SH3BGR: variants seen among roughly 807,000 people sequenced by gnomAD.
SH3BGR encodes SH3 domain binding glutamate rich protein.
Under a neutral mutation model 24.5 loss-of-function variants are expected in SH3BGR, and 29 were observed. The ratio of observed to expected loss-of-function variants is 1.18; its 90% CI spans 0.88 to 1.61. SH3BGR has a LOEUF of 1.61. SH3BGR is among the 40% of genes most tolerant of loss of function. The pLI is 0.00. For synonymous variants in SH3BGR, 55 were observed against 65.7 expected, an observed-to-expected ratio of 0.84 and a Z score of 0.79; for missense variants, 162 against 205.8, an observed-to-expected ratio of 0.79 and a Z score of 1.30.
upstream of SH3BGR, among the ~76,000 whole-genome samples, chr21:39,447,296 A>C (rs2056340759): frequency 6.6e-6 from 1 of 152,000 alleles, no homozygotes; most frequent in Non-Finnish European, 1.5e-5. Flanking sequence ...GACTGGAGGA[A>C]TTGAAAGGTA....
chr21:39,451,028 C>T (rs936869129), upstream of SH3BGR, among the ~76,000 whole-genome samples: 1 of 151,986 alleles, frequency 6.6e-6, no homozygotes, highest in African/African-American at 2.4e-5. Context: ...AGTATGTTAC[C>T]CAGACTGGTC....
At chr21:39,458,428 TC>T (rs1438946039) in intron 1 of SH3BGR, among the ~76,000 whole-genome samples, 1 of 152,108 alleles carries the variant, frequency 6.6e-6, no homozygotes, top group East Asian at 1.9e-4. Context: ...AACCTCTGCC[TC>T]CCGGATTCAA....
At chr21:39,477,433 G>A (rs1241141375) in intron 3 of SH3BGR, among the ~76,000 whole-genome samples, 1 of 152,148 alleles carries the variant, frequency 6.6e-6, no homozygotes, top group East Asian at 1.9e-4. Flanking sequence ...ACTGTGTCCA[G>A]CATAATATTT....
chr21:39,513,020 G>C (rs1291500794), intron 6 of SH3BGR, among the ~76,000 whole-genome samples: 2 of 152,084 alleles, frequency 1.3e-5, no homozygotes, highest in African/African-American at 4.8e-5. Context: ...ATTTAAAAAA[G>C]TTTAGTCTTT....
chr21:39,467,704 T>G (rs71316678), intron 2 of SH3BGR, among the ~76,000 whole-genome samples: 19,181 of 152,110 alleles, frequency 0.13, 1,650 homozygotes, highest in South Asian at 0.17. Flanking sequence ...TTCTGAAGAT[T>G]CTTGGTCAGT....
At chr21:39,461,837 A>G (rs1040251510) in intron 1 of SH3BGR, among the ~76,000 whole-genome samples, 3 of 152,040 alleles carry the variant, frequency 2.0e-5, no homozygotes, top group African/African-American at 7.2e-5. Flanking sequence ...ACAATAATTA[A>G]TTAATTATTT....
upstream of SH3BGR, among the ~76,000 whole-genome samples, chr21:39,449,004 A>G (rs1412503668): frequency 4.6e-5 from 7 of 151,518 alleles, no homozygotes; most frequent in African/African-American, 1.7e-4. Context: ...AATTTTGGCC[A>G]GCTTATAGAA....
At chr21:39,504,358 G>A (rs1053441694) in intron 4 of SH3BGR, among the ~76,000 whole-genome samples, 1 of 152,134 alleles carries the variant, frequency 6.6e-6, no homozygotes, top group Admixed American at 6.5e-5. Flanking sequence ...ATCTCTAGCC[G>A]CTCTGAGGCT....
At chr21:39,452,894 G>T (rs2077596913) in intron 1 of SH3BGR, among the ~76,000 whole-genome samples, 1 of 152,174 alleles carries the variant, frequency 6.6e-6, no homozygotes, top group Admixed American at 6.5e-5. Context: ...TTGATTTTAG[G>T]CTTGAACCTA....
intron 3 of SH3BGR, among the ~76,000 whole-genome samples, chr21:39,480,785 C>G (rs1024242589): frequency 6.6e-6 from 1 of 152,164 alleles, no homozygotes; most frequent in African/African-American, 2.4e-5. Context: ...CCCTAAATTA[C>G]CAGGGGAGAG....
chr21:39,455,724 T>A (rs1171828363), intron 1 of SH3BGR, among the ~76,000 whole-genome samples: 1 of 152,180 alleles, frequency 6.6e-6, no homozygotes, highest in African/African-American at 2.4e-5. Context: ...CCCTCTTCCC[T>A]CCTCTGGCCT....
chr21:39,498,368 C>A lies in SH3BGR; in HGVS notation c.313-1455C>A, dbSNP rs570850060. Among the ~76,000 whole-genome samples the A allele has an allele frequency of 6.6e-5, 10 of 152,184 alleles. No individual in the cohort carries two copies. In the South Asian group the frequency reaches 2.1e-3, roughly 32 times the overall value. ...ACCTGATATTTTAAAAGGCTGGGAC[C>A]CATTTTGTAAGTTAAAAGAGCATCA... On this transcript the variant is annotated intron_variant, in intron 3 of 6. Transcript: ENST00000333634.
At chr21:39,450,360 C>A (rs944251874), upstream of SH3BGR, among the ~76,000 whole-genome samples, 1 of 152,158 alleles carries the variant, frequency 6.6e-6, no homozygotes, top group South Asian at 2.1e-4. Flanking sequence ...TTGGTAGTCA[C>A]CTCAATCATT....
At chr21:39,464,877 A>G (rs1290781234) in intron 2 of SH3BGR, among the ~76,000 whole-genome samples, 3 of 152,160 alleles carry the variant, frequency 2.0e-5, no homozygotes, top group Non-Finnish European at 4.4e-5. Flanking sequence ...TATTTCTTAT[A>G]AAATCATTTC....
At chr21:39,454,628 G>T (rs146023924) in intron 1 of SH3BGR, among the ~76,000 whole-genome samples, 1 of 152,142 alleles carries the variant, frequency 6.6e-6, no homozygotes, top group East Asian at 1.9e-4. Flanking sequence ...CCCTGGAACC[G>T]ATCTTTAAGG....
chr21:39,481,436 T>G (rs534333817), intron 3 of SH3BGR, among the ~76,000 whole-genome samples: 1 of 152,316 alleles, frequency 6.6e-6, no homozygotes, highest in Non-Finnish European at 1.5e-5. Flanking sequence ...AATATATGGA[T>G]AAGTGAATAA....
Position 39,479,244 on chromosome 21 carries a change from G to C in SH3BGR, c.312+4029G>C, listed in dbSNP as rs369240611. Among the ~76,000 whole-genome samples, 315 of 134,282 alleles carry C rather than the reference G, an allele frequency of 2.3e-3. 2 individuals are homozygous for C. The highest frequency in any genetic ancestry group is 7.9e-3 in the Middle Eastern group (2 of 254). 88.1% of individuals were successfully genotyped at this position (134,282 alleles called of 152,430 possible). ...GGTAAGGGTGGTGGTGGTGGTGGTGGTGGTGGTGGTGGTGATGGTAGTGCT... is the reference window on the plus strand; with the variant it reads ...GGTAAGGGTGGTGGTGGTGGTGGTGCTGGTGGTGGTGGTGATGGTAGTGCT... On this transcript the variant is annotated intron_variant, in intron 3 of 6. Coordinates refer to ENST00000333634, the MANE Select transcript of SH3BGR (RefSeq NM_007341.3).
intron 3 of SH3BGR, among the ~76,000 whole-genome samples, chr21:39,497,499 TG>T (rs2078418527): frequency 6.6e-6 from 1 of 151,774 alleles, no homozygotes; most frequent in Non-Finnish European, 1.5e-5. Flanking sequence ...CAACAAAATC[TG>T]TAAAAACTGT....
At chr21:39,451,935 G>A (rs2077580295), upstream of SH3BGR, 1 of 1,614,010 alleles carries the variant, frequency 6.2e-7, no homozygotes, top group Admixed American at 1.7e-5. Flanking sequence ...TGGAGAGACA[G>A]AGCCTCTTAA....
Sources: gnomAD v4.1 joint callset for allele counts (sites outside exome capture counted in the v4.1 genomes callset) on GRCh38, gnomAD v4.1.1 for gene constraint, MANE v1.5 for transcripts, NCBI Gene and HGNC (gene_info 2026-07-23, HGNC 2026-07-21) for gene names.